The following DENND5B variants were observed in gnomAD, a reference collection of about 807,000 sequenced individuals.
DENND5B encodes DENN domain-containing protein 5B.
A neutral mutation model predicts 140.6 loss-of-function variants in DENND5B; 34 were observed. The ratio of observed to expected loss-of-function variants is 0.24; its 90% CI spans 0.18 to 0.32. The LOEUF is 0.32. Among genes scored for constraint, DENND5B ranks in the 10% least tolerant of loss-of-function variants. DENND5B has a pLI of 1.00. For synonymous variants in DENND5B, 551 were observed against 562.1 expected (o/e 0.98, Z 0.28); for missense variants, 1,142 against 1,560.2 (o/e 0.73, Z 4.52).
At chr12:31,550,568 G>C (rs982235877) in intron 1 of DENND5B, among the ~76,000 whole-genome samples, 5 of 151,946 alleles carry the variant, frequency 3.3e-5, no homozygotes, top group Admixed American at 6.5e-5. Context: ...ATAATCCTTT[G>C]GGTATATAGC....
intron 1 of DENND5B, among the ~76,000 whole-genome samples, chr12:31,584,752 A>G (rs369252642): frequency 7.2e-5 from 11 of 152,264 alleles, no homozygotes; most frequent in African/African-American, 2.6e-4. Flanking sequence ...CTTGAGCCCA[A>G]GGAGATTGAG....
chr12:31,449,942 A>T (rs928818333), intron 5 of DENND5B, among the ~76,000 whole-genome samples: 1 of 152,054 alleles, frequency 6.6e-6, no homozygotes, highest in African/African-American at 2.4e-5. Flanking sequence ...CATGTTAGCC[A>T]GGATGGTCTC....
At chr12:31,453,581 ATAT>A (rs1944636053) in intron 4 of DENND5B, among the ~76,000 whole-genome samples, 1 of 152,188 alleles carries the variant, frequency 6.6e-6, no homozygotes. Context: ...CATAAAAATA[ATAT>A]TGATTACATC....
chr12:31,409,168 A>G lies in DENND5B; in HGVS notation c.2803+95T>C. On this transcript the variant is annotated intron_variant, in intron 14 of 20. Transcript: ENST00000389082. ...AGACCTGGGCGTATGTCACAATGTCACATGTACTATGGCATATCTTGCTTT... is the reference window on the plus strand; with the variant it reads ...AGACCTGGGCGTATGTCACAATGTCGCATGTACTATGGCATATCTTGCTTT... 4 of 1,300,214 alleles carry G rather than the reference A, an allele frequency of 3.1e-6. No individual in the cohort carries two copies. In the Admixed American group the frequency reaches 1.2e-4, roughly 38 times the overall value. 80.5% of individuals were successfully genotyped at this position (1,300,214 alleles called of 1,614,324 possible).
chr12:31,551,793 T>C (rs1245209718), intron 1 of DENND5B, among the ~76,000 whole-genome samples: 2 of 152,264 alleles, frequency 1.3e-5, no homozygotes, highest in Non-Finnish European at 2.9e-5. Flanking sequence ...CCTTGTAAGT[T>C]GGATTCCTAG....
intron 4 of DENND5B, among the ~76,000 whole-genome samples, chr12:31,454,079 T>C (rs897756165): frequency 1.3e-5 from 2 of 151,252 alleles, no homozygotes; most frequent in African/African-American, 2.4e-5. Context: ...GAGGCAGAGG[T>C]TGCAGTGAGC....
At chr12:31,402,457 A>T (rs751622438) in intron 15 of DENND5B, 41 bp downstream of exon 15, 6 of 1,582,946 alleles carry the variant, frequency 3.8e-6, no homozygotes, top group Non-Finnish European at 5.2e-6. Flanking sequence ...GTAAAACTAC[A>T]CGTGATACAT....
At chr12:31,447,483 T>TG in intron 6 of DENND5B, 55 bp downstream of exon 6, 4 of 1,482,228 alleles carry the variant, frequency 2.7e-6, no homozygotes, top group East Asian at 2.3e-5. Context: ...CAGCAATTTG[T>TG]GGGAAAAAAG....
At chr12:31,418,530 G>A (rs1942874801) in intron 11 of DENND5B, among the ~76,000 whole-genome samples, 1 of 151,614 alleles carries the variant, frequency 6.6e-6, no homozygotes, top group South Asian at 2.1e-4. Flanking sequence ...TTGGACTCAA[G>A]CGATCTGCCT....
intron 1 of DENND5B, among the ~76,000 whole-genome samples, chr12:31,556,149 C>T (rs576004470): frequency 4.6e-5 from 7 of 152,332 alleles, no homozygotes; most frequent in African/African-American, 1.7e-4. Flanking sequence ...CTGCGTTGCT[C>T]ACAATGGGAG....
chr12:31,446,149 CTTTCTT>C (rs1360046658), intron 6 of DENND5B, among the ~76,000 whole-genome samples: 2 of 151,956 alleles, frequency 1.3e-5, no homozygotes, highest in Non-Finnish European at 2.9e-5. Flanking sequence ...GATTTAACTG[CTTTCTT>C]TTTATTTTTT....
chr12:31,394,707 G>A (rs1317186646), intron 17 of DENND5B, among the ~76,000 whole-genome samples: 2 of 150,808 alleles, frequency 1.3e-5, no homozygotes, highest in Non-Finnish European at 2.9e-5. Flanking sequence ...TCCGCCTCCC[G>A]GGTTCACGCC....
intron 7 of DENND5B, among the ~76,000 whole-genome samples, chr12:31,433,556 A>G (rs143848404): frequency 1.3e-5 from 2 of 152,188 alleles, no homozygotes; most frequent in Non-Finnish European, 2.9e-5. Context: ...GTCAAATCTT[A>G]ACCGAGTTAG....
intron 2 of DENND5B, among the ~76,000 whole-genome samples, chr12:31,482,018 G>A (rs1476077176): frequency 6.6e-6 from 1 of 152,060 alleles, no homozygotes; most frequent in East Asian, 1.9e-4. Context: ...AGATTTCTGG[G>A]TTCCCACTGC....
intron 1 of DENND5B, among the ~76,000 whole-genome samples, chr12:31,497,894 CA>C: frequency 3.8e-5 from 1 of 26,132 alleles, no homozygotes; most frequent in South Asian, 3.3e-3. Flanking sequence ...CAGGGAGGGG[CA>C]AGGGGAGGGG....
At chr12:31,587,750 T>C (rs927076720) in intron 1 of DENND5B, among the ~76,000 whole-genome samples, 14 of 152,064 alleles carry the variant, frequency 9.2e-5, no homozygotes, top group African/African-American at 2.9e-4. Context: ...TTTCACCATA[T>C]TGGCCAGGCT....
At chr12:31,476,972 T>A (rs956245444) in intron 3 of DENND5B, among the ~76,000 whole-genome samples, 3 of 152,162 alleles carry the variant, frequency 2.0e-5, no homozygotes, top group Admixed American at 2.0e-4. Flanking sequence ...CTCACGCCGG[T>A]AATCCCAGCA....
At chr12:31,574,295 A>AATAATAATTATTATTATT (rs374578025) in intron 1 of DENND5B, among the ~76,000 whole-genome samples, 2 of 144,594 alleles carry the variant, frequency 1.4e-5, no homozygotes, top group East Asian at 2.1e-4. Flanking sequence ...TAATAATAAT[A>AATAATAATTATTATTATT]ATTTAAAAGG....
At chr12:31,478,110 GAAAGA>G (rs957296985) in intron 3 of DENND5B, 1 of 152,090 alleles carries the variant, frequency 6.6e-6, no homozygotes, top group African/African-American at 2.4e-5. Flanking sequence ...AAGAAGAAAG[GAAAGA>G]ATTTAGATTG....
Sources: allele counts gnomAD v4.1 joint callset (sites outside exome capture counted in the v4.1 genomes callset), GRCh38; gene constraint gnomAD v4.1.1; transcripts MANE v1.5; gene names NCBI Gene and HGNC (gene_info 2026-07-23, HGNC 2026-07-21).